The following STARD3 variants were observed in gnomAD, a reference collection of about 807,000 sequenced individuals.
STARD3 encodes the protein StAR related lipid transfer domain containing 3.
STARD3 carries 39 observed loss-of-function variants against 62.0 expected under a neutral mutation model. That is an observed-to-expected ratio of 0.63 (90% CI 0.49 to 0.82). STARD3 has a LOEUF of 0.82. Ranked by LOEUF, STARD3 falls within the 40% of genes least tolerant of loss-of-function variation. The pLI is 0.00. For synonymous variants in STARD3, 229 were observed against 242.4 expected (o/e 0.94, Z 0.51); for missense variants, 543 against 584.5 (o/e 0.93, Z 0.73).
At chr17:39,644,914 C>A (rs1392433925) in intron 1 of STARD3, among the ~76,000 whole-genome samples, 1 of 151,978 alleles carries the variant, frequency 6.6e-6, no homozygotes, top group African/African-American at 2.4e-5. Flanking sequence ...GAGCTGCCGT[C>A]GGTCAGCTGG....
In STARD3 at chr17:39,659,553, T is replaced by C. The variant is rs751816203; in HGVS notation, c.795T>C (p.Asn265=). The stretch of plus-strand genomic sequence containing the variant: ...AGAACTGGAAGTTTGAGAAGAATAA[T>C]GTAAGAAGCCCTCTCCCACCTGACC... ...QEENWKFEKN[N]EYGDTVYTIE... Residue 265 remains asparagine (N), a splice_region_variant and synonymous_variant, in exon 9 of 15, where the codon AAT becomes AAC. Transcript: ENST00000336308. 21 of 1,613,906 alleles carry C rather than the reference T, an allele frequency of 1.3e-5. No individual in the cohort carries two copies. The highest frequency in any genetic ancestry group is 1.7e-5 in the Non-Finnish European group (20 of 1,179,912).
Position 39,660,720 on chromosome 17 carries a change from A to G in STARD3, c.955-90A>G, listed in dbSNP as rs959991391. ...CGCTGCCCAGGGCCTGCCTGTGGCA[A>G]TAGCAGTTAGTAAAGGGGCCTGGGG... On this transcript the variant is annotated intron_variant, in intron 11 of 14. Transcript: ENST00000336308. The surrounding 1 kb of genome is among the most constrained non-coding windows in gnomAD (Gnocchi z 4.8). 3.4e-6 allele frequency: 5 copies of G among 1,469,418 alleles called. No homozygotes were observed. The highest frequency in any genetic ancestry group is 2.3e-5 in the East Asian group (1 of 43,914). 91.0% of individuals were successfully genotyped at this position (1,469,418 alleles called of 1,614,324 possible).
rs1014149616 is a variant in STARD3 at position 39,663,730 on chromosome 17, C to T, written c.*822C>T. ...TGCCCCGCCCCCTGCCAGGCTTCAGCGGGGCAAGTTTAAAGTCTCTAGTCC... is the reference window on the plus strand; with the variant it reads ...TGCCCCGCCCCCTGCCAGGCTTCAGTGGGGCAAGTTTAAAGTCTCTAGTCC... On this transcript the variant is annotated 3_prime_UTR_variant, in exon 15 of 15. Coordinates refer to ENST00000336308, the MANE Select transcript of STARD3 (RefSeq NM_006804.4). Among the ~76,000 whole-genome samples the T allele has an allele frequency of 6.6e-6, 1 of 151,206 alleles. No individual in the cohort carries two copies. The highest frequency in any genetic ancestry group is 1.5e-5 in the Non-Finnish European group (1 of 67,822).
chr17:39,642,839 C>G (rs146374815), intron 1 of STARD3, among the ~76,000 whole-genome samples: 2 of 152,142 alleles, frequency 1.3e-5, no homozygotes, highest in South Asian at 2.1e-4. Flanking sequence ...GAGGAGCTCC[C>G]GACAGAGCAG....
At position 39,657,968 on chromosome 17, in the gene STARD3, G is replaced by A; in HGVS notation, c.376-5G>A. 4.4e-6 allele frequency: 7 copies of A among 1,593,382 alleles called. No homozygotes were observed. The highest frequency in any genetic ancestry group is 5.1e-6 in the Non-Finnish European group (6 of 1,169,736). The stretch of plus-strand genomic sequence containing the variant: ...TTCCCCTTCCTCCCTCCCTCCCCTG[G>A]GCAGGTCACGACGCTGGTGTCCAGT... On this transcript the variant is annotated splice_polypyrimidine_tract_variant and splice_region_variant and intron_variant, in intron 4 of 14. Coordinates refer to ENST00000336308, the MANE Select transcript of STARD3 (RefSeq NM_006804.4).
chr17:39,653,262 G>A, intron 1 of STARD3: 1 of 543,698 alleles, frequency 1.8e-6, no homozygotes, highest in Non-Finnish European at 3.3e-6. Flanking sequence ...TGGGCTTGGG[G>A]CAGGGAGCAC....
chr17:39,646,145 C>G (rs2057024488), intron 1 of STARD3, among the ~76,000 whole-genome samples: 1 of 152,120 alleles, frequency 6.6e-6, no homozygotes, highest in African/African-American at 2.4e-5. Context: ...CCTGCCTCAG[C>G]CTCCCAAAGT....
chr17:39,649,158 A>G (rs962725014), intron 1 of STARD3, among the ~76,000 whole-genome samples: 1 of 152,216 alleles, frequency 6.6e-6, no homozygotes, highest in African/African-American at 2.4e-5. Flanking sequence ...GACATGGATG[A>G]CGATATGTTC....
chr17:39,656,729 C>G (rs937981594), intron 2 of STARD3, among the ~76,000 whole-genome samples: 7 of 152,140 alleles, frequency 4.6e-5, no homozygotes, highest in Non-Finnish European at 1.0e-4. Flanking sequence ...TGCACAGCCC[C>G]GAAGCCTCCA....
In STARD3 at chr17:39,663,009, C is replaced by A; in HGVS notation, c.*101C>A. ...TCGCACTGCCCACATGGGACCTGGC[C>A]CCAGGCTGTCACCCTCCACCGAGCC... On this transcript the variant is annotated 3_prime_UTR_variant, in exon 15 of 15. Transcript: ENST00000336308. 8.5e-7 allele frequency: 1 copy of A among 1,177,316 alleles called. No individual in the cohort carries two copies. The highest frequency in any genetic ancestry group is 1.2e-6 in the Non-Finnish European group (1 of 848,742). The allele number at this position is 1,177,316 out of a possible 1,614,324, so 72.9% of individuals were successfully genotyped here. A position where few individuals can be genotyped will look rare whatever the true frequency, so the allele number is the denominator to read the frequency against.
In STARD3 at chr17:39,659,121, A is replaced by AC. The variant is rs748788423; in HGVS notation, c.702+19dup. The AC allele has an allele frequency of 8.7e-6, 14 of 1,613,886 alleles. No individual in the cohort carries two copies. The highest frequency in any genetic ancestry group is 1.2e-5 in the Non-Finnish European group (14 of 1,179,980). ...TCTCTGCTCAGGTATTTGCCTGCCT[A>AC]CCCCTAACCCCTGCCCTTGGAATGG... On this transcript the variant is annotated intron_variant, in intron 8 of 14. Coordinates refer to ENST00000336308, the MANE Select transcript of STARD3 (RefSeq NM_006804.4).
chr17:39,660,936 T>C lies in STARD3; in HGVS notation c.1035-45T>C, dbSNP rs941084379. 3.7e-6 allele frequency: 6 copies of C among 1,610,334 alleles called. No homozygotes were observed. In the African/African-American group the frequency reaches 6.7e-5, roughly 18 times the overall value. ...TCCTTTCAGCCAGGTCTTCTGCACTTTGGCCTTGGGTCATTGTCCCCTGAA... is the reference window on the plus strand; with the variant it reads ...TCCTTTCAGCCAGGTCTTCTGCACTCTGGCCTTGGGTCATTGTCCCCTGAA... On this transcript the variant is annotated intron_variant, in intron 12 of 14. Transcript: ENST00000336308. The surrounding 1 kb of genome is among the most constrained non-coding windows in gnomAD (Gnocchi z 4.8).
intron 1 of STARD3, 122 bp from the exon 2 acceptor site, chr17:39,653,359 T>A: frequency 1.5e-6 from 1 of 676,994 alleles, no homozygotes; most frequent in Non-Finnish European, 2.5e-6. Context: ...AACAGTGCCC[T>A]GGGCCCTGGG....
chr17:39,637,345 C>T (rs1012639225), intron 1 of STARD3, 114 bp downstream of exon 1: 3 of 152,350 alleles, frequency 2.0e-5, no homozygotes, highest in Non-Finnish European at 4.4e-5. Flanking sequence ...CCTTCCCACA[C>T]CCGCTGCGTC....
chr17:39,637,614 C>T (rs1031917916), intron 1 of STARD3: 2 of 152,262 alleles, frequency 1.3e-5, no homozygotes, highest in African/African-American at 4.8e-5. Flanking sequence ...CTCTGCGTCT[C>T]AGTGTCATCC....
Position 39,662,299 on chromosome 17 carries a change from C to A in STARD3, c.1188C>A (p.Asn396Lys). 1 of 1,614,026 alleles carries A rather than the reference C, an allele frequency of 6.2e-7. No individual in the cohort carries two copies. Among genetic ancestry groups the A allele is most frequent in the South Asian group, 1.1e-5 (1 of 91,062 alleles). ...TCATCGTGCTCAAGTCGGCCAGTAA[C>A]CCCCGTGTTTGCACCTTTGTCTGGA... is the stretch of plus-strand genomic sequence containing the variant. ...GGFIVLKSAS[N>K]PRVCTFVWIL... Residue 396 changes from asparagine to lysine, a missense_variant, in exon 14 of 15, where the codon AAC becomes AAA. Asn to Lys is a moderately conservative substitution (Grantham distance 94). Coordinates refer to ENST00000336308, the MANE Select transcript of STARD3 (RefSeq NM_006804.4).
chr17:39,641,455 T>TAAAA (rs901146234), intron 1 of STARD3, among the ~76,000 whole-genome samples: 3 of 144,052 alleles, frequency 2.1e-5, no homozygotes, highest in African/African-American at 7.6e-5. Flanking sequence ...ACCTGTCTCT[T>TAAAA]AAAAAAAAAA....
chr17:39,653,914 T>C (rs182797145), intron 2 of STARD3, among the ~76,000 whole-genome samples, 164 bp downstream of exon 2: 84 of 152,264 alleles, frequency 5.5e-4, no homozygotes, highest in African/African-American at 1.9e-3. Context: ...AATGAAGGAA[T>C]GTGGAGGGGT....
chr17:39,659,414 A>G (rs1204989422), intron 8 of STARD3, 47 bp from the exon 9 acceptor site: 15 of 1,551,548 alleles, frequency 9.7e-6, no homozygotes, highest in South Asian at 3.3e-5. Flanking sequence ...AACATGGTGG[A>G]CTGCAGGCCC....
Sources: gnomAD v4.1 joint callset for allele counts (sites outside exome capture counted in the v4.1 genomes callset) on GRCh38, gnomAD v4.1.1 for gene constraint, Gnocchi (gnomAD v3.1) non-coding constraint, MANE v1.5 for transcripts, NCBI Gene and HGNC (gene_info 2026-07-23, HGNC 2026-07-21) for gene names.